Variants in ZNF714 observed in about 807,000 individuals in gnomAD.
The protein encoded by ZNF714 is zinc finger protein 714.
A neutral mutation model predicts 46.2 loss-of-function variants in ZNF714; 32 were observed. The ratio of observed to expected loss-of-function variants is 0.69; its 90% CI spans 0.52 to 0.93. The LOEUF (loss-of-function observed/expected upper bound fraction) is 0.93. Ranked by LOEUF, ZNF714 falls within the 40% of genes least tolerant of loss-of-function variation. ZNF714 has a pLI of 0.00. For missense variants in ZNF714, 635 were observed against 646.3 expected (o/e 0.98, Z 0.19); for synonymous variants, 199 against 213.1 (o/e 0.93, Z 0.58).
In ZNF714 at chr19:21,115,551, A is replaced by G. The variant is rs185752667; in HGVS notation, c.143-1256A>G. 1.5e-4 allele frequency among the ~76,000 whole-genome samples: 23 copies of G among 149,780 alleles called. No homozygotes were observed. The East Asian group carries it at 4.5e-3, about 29-fold the overall frequency. On this transcript the variant is annotated intron_variant, in intron 4 of 4. Coordinates refer to ENST00000456283, the MANE Select transcript of ZNF714 (RefSeq NM_182515.4). ...CTGGTATTATTCTCACTTGATAGCTATTTTTTTTTAGGACTTTGGCTATAT... is the reference window on the plus strand; with the variant it reads ...CTGGTATTATTCTCACTTGATAGCTGTTTTTTTTTAGGACTTTGGCTATAT...
intron 2 of ZNF714, among the ~76,000 whole-genome samples, chr19:21,092,366 G>A (rs957708451): frequency 2.0e-5 from 3 of 152,170 alleles, no homozygotes; most frequent in African/African-American, 7.2e-5. Context: ...CCACAAAAGT[G>A]TCAAGTCTCC....
At chr19:21,095,065 C>T (rs1263341254) in intron 2 of ZNF714, among the ~76,000 whole-genome samples, 2 of 152,042 alleles carry the variant, frequency 1.3e-5, no homozygotes, top group Non-Finnish European at 2.9e-5. Flanking sequence ...TTGTCAGGAA[C>T]ATAGTTTGCA....
In ZNF714 at chr19:21,117,413, T is replaced by A. The variant is rs1407621236; in HGVS notation, c.749T>A (p.Ile250Asn). The A allele has an allele frequency of 6.2e-7, 1 of 1,613,056 alleles. No homozygotes were observed. Among genetic ancestry groups the A allele is most frequent in the Admixed American group, 1.7e-5 (1 of 59,902 alleles). ...TCACACCTTACTACACATAAGGTAATTCATACTGGAGAGAAGCCCTTCAAA... is the reference window on the plus strand; with the variant it reads ...TCACACCTTACTACACATAAGGTAAATCATACTGGAGAGAAGCCCTTCAAA... ...HSSHLTTHKV[I>N]HTGEKPFKCE... Residue 250 changes from isoleucine to asparagine, a missense_variant, in exon 5 of 5, where the codon ATT becomes AAT. Transcript: ENST00000456283.
intron 1 of ZNF714, among the ~76,000 whole-genome samples, chr19:21,083,108 T>G (rs10405218): frequency 0.82 from 124,131 of 151,656 alleles, 52,774 homozygotes; most frequent in Middle Eastern, 0.93. Flanking sequence ...GGCGATCTTG[T>G]CTCACCGTAA....
In ZNF714 at chr19:21,082,227, A is replaced by C; in HGVS notation, c.-298A>C. 9.6e-7 allele frequency: 1 copy of C among 1,044,002 alleles called. No individual in the cohort carries two copies. Among genetic ancestry groups the C allele is most frequent in the South Asian group, 1.3e-5 (1 of 76,784 alleles). 64.7% of individuals were successfully genotyped at this position (1,044,002 alleles called of 1,614,324 possible). On this transcript the variant is annotated 5_prime_UTR_variant, in exon 1 of 5. Transcript: ENST00000456283. ...TGTCTCTCGCTGCAGCTGGAGCTGC[A>C]GGTCTCGCCTTCACTGCCCTGTGTC...
In ZNF714 at chr19:21,082,304, G is replaced by A. The variant is rs61733856; in HGVS notation, c.-221G>A. 125,430 of 1,448,186 alleles carry A rather than the reference G, an allele frequency of 0.087. 6,186 individuals are homozygous for A. Among genetic ancestry groups the A allele is most frequent in the Non-Finnish European group, 0.092 (98,320 of 1,071,726 alleles). The allele number at this position is 1,448,186 out of a possible 1,614,324, so 89.7% of individuals were successfully genotyped here. A position where few individuals can be genotyped will look rare whatever the true frequency, so the allele number is the denominator to read the frequency against. ...TGGCCCTGTGACCTGCAGGTATTGA[G>A]AGATCCACAGCTAAGACGCCAGGTA... On this transcript the variant is annotated 5_prime_UTR_variant, in exon 1 of 5. Coordinates refer to ENST00000456283, the MANE Select transcript of ZNF714 (RefSeq NM_182515.4).
chr19:21,082,248 G>C lies in ZNF714; in HGVS notation c.-277G>C. ...CTGCAGGTCTCGCCTTCACTGCCCT[G>C]TGTCCTCTGCTCGCAGAGGCCCAGC... is the stretch of plus-strand genomic sequence containing the variant. On this transcript the variant is annotated 5_prime_UTR_variant, in exon 1 of 5. Coordinates refer to ENST00000456283, the MANE Select transcript of ZNF714 (RefSeq NM_182515.4). 1 of 1,285,530 alleles carries C rather than the reference G, an allele frequency of 7.8e-7. No individual in the cohort carries two copies. 79.6% of individuals were successfully genotyped at this position (1,285,530 alleles called of 1,614,324 possible). A position where few individuals can be genotyped will look rare whatever the true frequency, so the allele number is the denominator to read the frequency against.
Position 21,106,585 on chromosome 19 carries a change from C to A in ZNF714, c.142+7675C>A, listed in dbSNP as rs868808295. 4.5e-3 allele frequency among the ~76,000 whole-genome samples: 623 copies of A among 137,622 alleles called. 6 individuals are homozygous for A. Among genetic ancestry groups the A allele is most frequent in the African/African-American group, 0.015 (566 of 39,034 alleles). 90.3% of individuals were successfully genotyped at this position (137,622 alleles called of 152,430 possible). A position where few individuals can be genotyped will look rare whatever the true frequency, so the allele number is the denominator to read the frequency against. On this transcript the variant is annotated intron_variant, in intron 4 of 4. Coordinates refer to ENST00000456283, the MANE Select transcript of ZNF714 (RefSeq NM_182515.4). ...CTCCGTCTCAAAAAAAAAAAAAAAA[C>A]AAATATTTTTTGTATATGGTTCAAG...
intron 4 of ZNF714, 78 bp downstream of exon 4, chr19:21,098,988 T>G: frequency 6.8e-5 from 58 of 847,838 alleles, no homozygotes; most frequent in Non-Finnish European, 9.2e-5. Flanking sequence ...AGCCGGCCCT[T>G]ACAATGTGAT....
chr19:21,111,132 A>C (rs1179578888), intron 4 of ZNF714, among the ~76,000 whole-genome samples: 1 of 152,182 alleles, frequency 6.6e-6, no homozygotes, highest in African/African-American at 2.4e-5. Flanking sequence ...GAAGAATATC[A>C]GTAGTAGTTT....
In ZNF714 at chr19:21,123,512, A is replaced by G. The variant is rs1473975542; in HGVS notation, c.*5180A>G. Among the ~76,000 whole-genome samples the G allele has an allele frequency of 6.6e-6, 1 of 151,716 alleles. No individual in the cohort carries two copies. Among genetic ancestry groups the G allele is most frequent in the Non-Finnish European group, 1.5e-5 (1 of 67,958 alleles). On this transcript the variant is annotated 3_prime_UTR_variant, in exon 5 of 5. Transcript: ENST00000456283. Reference sequence around the variant, plus strand: ...TGGGACTACAGGCGCCCGCTACCGCACCCGTCTAATTTTTTTGTATTTTTA... The same window carrying G: ...TGGGACTACAGGCGCCCGCTACCGCGCCCGTCTAATTTTTTTGTATTTTTA...
chr19:21,117,201 CAA>C lies in ZNF714; in HGVS notation c.539_540del (p.Lys180SerfsTer3), dbSNP rs1343856045. 1.2e-6 allele frequency: 2 copies of C among 1,613,984 alleles called. No homozygotes were observed. The highest frequency in any genetic ancestry group is 1.7e-6 in the Non-Finnish European group (2 of 1,179,938). ...ATTCTTACCAATGTGAAGAATGTGA[CAA>C]AGTGTTTAAGCGGTTCTCAACCCTT... ...ENSYQCEECD[K>X]VFKRFSTLTR... is the part of the protein sequence containing the mutation. On this transcript the variant is annotated frameshift_variant, in exon 5 of 5. Transcript: ENST00000456283. LOFTEE classifies it high-confidence loss of function.
intron 2 of ZNF714, among the ~76,000 whole-genome samples, 198 bp from the exon 3 acceptor site, chr19:21,097,987 G>A (rs1969083916): frequency 6.6e-6 from 1 of 152,150 alleles, no homozygotes; most frequent in Non-Finnish European, 1.5e-5. Flanking sequence ...CACTGGTGTT[G>A]TGGATCTTAT....
chr19:21,115,497 G>T (rs1394608678), intron 4 of ZNF714, among the ~76,000 whole-genome samples: 2 of 151,766 alleles, frequency 1.3e-5, no homozygotes, highest in Non-Finnish European at 2.9e-5. Flanking sequence ...GGTTATTTTT[G>T]AAGGTTTTTT....
chr19:21,096,761 T>C (rs1015333824), intron 2 of ZNF714, among the ~76,000 whole-genome samples: 2 of 152,228 alleles, frequency 1.3e-5, no homozygotes, highest in African/African-American at 2.4e-5. Context: ...TTAGTAAAGA[T>C]GGAGAACATA....
At chr19:21,083,937 T>A in intron 1 of ZNF714, 41 bp from the exon 2 acceptor site, 1 of 1,100,548 alleles carries the variant, frequency 9.1e-7, no homozygotes, top group Non-Finnish European at 1.2e-6. Flanking sequence ...TCAGCTAAAG[T>A]GCCTAGTGAA....
At position 21,082,874 on chromosome 19, in the gene ZNF714, C is replaced by T. The variant is rs113305866; in HGVS notation, c.-177+526C>T. Among the ~76,000 whole-genome samples the T allele has an allele frequency of 1.0e-3, 154 of 152,096 alleles. 1 individual carries two copies. Among genetic ancestry groups the T allele is most frequent in the African/African-American group, 3.2e-3 (132 of 41,480 alleles). On this transcript the variant is annotated intron_variant, in intron 1 of 4. Transcript: ENST00000456283. Reference sequence around the variant, plus strand: ...TTTATAAACAGCATGATGAAGAAAACCAAATTCAGTAATTGGTTAGGTTCA... The same window carrying T: ...TTTATAAACAGCATGATGAAGAAAATCAAATTCAGTAATTGGTTAGGTTCA...
Position 21,117,034 on chromosome 19 carries a change from A to C in ZNF714, c.370A>C (p.Lys124Gln). The C allele has an allele frequency of 6.2e-7, 1 of 1,613,210 alleles. No homozygotes were observed. The highest frequency in any genetic ancestry group is 8.5e-7 in the Non-Finnish European group (1 of 1,179,432). The change falls in exon 5 of 5, where the codon AAA (lysine) becomes CAA (glutamine). Residue 124 changes from lysine (K) to glutamine (Q), a missense_variant. Physicochemically the swap from Lys to Gln is moderately conservative, Grantham distance 53 (BLOSUM62 1). Transcript: ENST00000456283. The part of the protein sequence containing the change: ...SKIFPCDKYI[K>Q]VFHKIFNSNR... ...AATATTTCCATGTGATAAATATATA[A>C]AAGTCTTTCATAAAATTTTCAATTC...
chr19:21,114,590 T>A (rs1969547543), intron 4 of ZNF714, among the ~76,000 whole-genome samples: 1 of 152,184 alleles, frequency 6.6e-6, no homozygotes, highest in South Asian at 2.1e-4. Flanking sequence ...GGGTCATGAC[T>A]CTTTATCCAG....
Sources: allele counts gnomAD v4.1 joint callset (sites outside exome capture counted in the v4.1 genomes callset), GRCh38; gene constraint gnomAD v4.1.1; transcripts MANE v1.5; gene names NCBI Gene and HGNC (gene_info 2026-07-23, HGNC 2026-07-21).